The following MTR variants were observed in gnomAD, a reference collection of about 807,000 sequenced individuals.
MTR encodes the protein 5-methyltetrahydrofolate-homocysteine methyltransferase, also known as methionine synthase.
Under a neutral mutation model 154.8 loss-of-function variants are expected in MTR, and 84 were observed. That is an observed-to-expected ratio of 0.54 (90% CI 0.45 to 0.65). The LOEUF is 0.65. Ranked by LOEUF, MTR falls within the 30% of genes least tolerant of loss-of-function variation. MTR has a pLI of 0.00. For synonymous variants in MTR, 554 were observed against 553.9 expected, an observed-to-expected ratio of 1.00 and a Z score of 0.00; for missense variants, 1,275 against 1,570.2, an observed-to-expected ratio of 0.81 and a Z score of 3.18.
intron 26 of MTR, 115 bp from the exon 27 acceptor site, chr1:236,886,177 A>G (rs142006712): frequency 2.4e-6 from 2 of 827,788 alleles, no homozygotes; most frequent in Non-Finnish European, 4.0e-6. Flanking sequence ...CATTCTCATG[A>G]ATAAGAGCAT....
chr1:236,833,410 T>C (rs1014338073), intron 13 of MTR, among the ~76,000 whole-genome samples: 1 of 152,242 alleles, frequency 6.6e-6, no homozygotes, highest in Non-Finnish European at 1.5e-5. Flanking sequence ...TCATTACTCA[T>C]TTAATCATCA....
At chr1:236,883,162 C>T (rs1470271588) in intron 25 of MTR, among the ~76,000 whole-genome samples, 2 of 152,198 alleles carry the variant, frequency 1.3e-5, no homozygotes, top group African/African-American at 2.4e-5. Context: ...TTTACTCCCT[C>T]TTATTGTGTG....
chr1:236,889,417 A>G, intron 28 of MTR, 81 bp downstream of exon 28: 2 of 1,578,422 alleles, frequency 1.3e-6, no homozygotes, highest in Non-Finnish European at 1.7e-6. Flanking sequence ...ATCGGTGAGG[A>G]GCAGTGGATT....
chr1:236,808,244 C>G (rs889658754), intron 3 of MTR, among the ~76,000 whole-genome samples: 1 of 152,134 alleles, frequency 6.6e-6, no homozygotes, highest in Non-Finnish European at 1.5e-5. Flanking sequence ...GCAAAAAGTT[C>G]AGAATTACTG....
chr1:236,852,880 G>A, intron 17 of MTR, 68 bp from the exon 18 acceptor site: 1 of 1,579,962 alleles, frequency 6.3e-7, no homozygotes, highest in Non-Finnish European at 8.7e-7. Context: ...CCTTTACAGA[G>A]AAAAGTTTGC....
chr1:236,895,013 A>G (rs1666544032), intron 30 of MTR: 1 of 387,338 alleles, frequency 2.6e-6, no homozygotes, highest in Non-Finnish European at 4.8e-6. Context: ...TCCTGCAGTG[A>G]ACAGTGGAGG....
chr1:236,830,390 A>G (rs940118222), intron 12 of MTR, among the ~76,000 whole-genome samples: 1 of 152,202 alleles, frequency 6.6e-6, no homozygotes, highest in African/African-American at 2.4e-5. Context: ...CAAAATTGAA[A>G]CAAGAGAGCC....
chr1:236,853,638 C>T (rs906188052), intron 18 of MTR, among the ~76,000 whole-genome samples: 2 of 151,956 alleles, frequency 1.3e-5, no homozygotes, highest in African/African-American at 4.8e-5. Flanking sequence ...ATTTTTCTAC[C>T]TCATTATTTA....
chr1:236,817,837 G>A (rs1011292225), intron 8 of MTR, among the ~76,000 whole-genome samples: 5 of 152,150 alleles, frequency 3.3e-5, no homozygotes, highest in Non-Finnish European at 7.3e-5. Flanking sequence ...TGGGCCTGAC[G>A]ACTAAGAAAA....
At chr1:236,811,751 A>T (rs1011473357) in intron 5 of MTR, 55 of 454,362 alleles carry the variant, frequency 1.2e-4, no homozygotes, top group African/African-American at 1.1e-3. Flanking sequence ...CTGCATCTTT[A>T]AGCAAAATGA....
chr1:236,825,192 C>G, intron 9 of MTR, 146 bp from the exon 10 acceptor site: 1 of 235,926 alleles, frequency 4.2e-6, no homozygotes, highest in Non-Finnish European at 8.1e-6. Context: ...TCTTTGTTTA[C>G]TGTGTGAATA....
intron 16 of MTR, among the ~76,000 whole-genome samples, chr1:236,850,754 C>T (rs1214839636): frequency 6.6e-6 from 1 of 152,088 alleles, no homozygotes; most frequent in African/African-American, 2.4e-5. Flanking sequence ...TCGCTTGAAC[C>T]CAGGAGGGTG....
At chr1:236,877,792 A>AT (rs1364326886) in intron 24 of MTR, among the ~76,000 whole-genome samples, 8 of 152,150 alleles carry the variant, frequency 5.3e-5, no homozygotes, top group Non-Finnish European at 7.4e-5. Flanking sequence ...GATCATCTTC[A>AT]TTAGCTATTG....
At position 236,874,708 on chromosome 1, in the gene MTR, T is replaced by C. The variant is rs10925256; in HGVS notation, c.2474-18T>C. On this transcript the variant is annotated intron_variant, in intron 23 of 32. Transcript: ENST00000366577. ...ACTGTCCTTTTTGTCCTTTTTTTTT[T>C]AAAAAAAAAAAAAATAGATATAATT... The C allele has an allele frequency of 3.9e-4, 475 of 1,223,640 alleles. 1 individual carries two copies. The highest frequency in any genetic ancestry group is 4.8e-4 in the Non-Finnish European group (441 of 919,276). 75.8% of individuals were successfully genotyped at this position (1,223,640 alleles called of 1,614,324 possible).
At chr1:236,844,871 C>G (rs1663480755) in intron 15 of MTR, among the ~76,000 whole-genome samples, 1 of 152,274 alleles carries the variant, frequency 6.6e-6, no homozygotes, top group South Asian at 2.1e-4. Flanking sequence ...CAGACTCACT[C>G]TGACAGGGAA....
intron 24 of MTR, among the ~76,000 whole-genome samples, chr1:236,878,290 G>A (rs1665543086): frequency 6.6e-6 from 1 of 152,108 alleles, no homozygotes; most frequent in Non-Finnish European, 1.5e-5. Flanking sequence ...AAGCATTCAG[G>A]AGTTGAAGTG....
chr1:236,801,924 T>C (rs1304696602), intron 1 of MTR, among the ~76,000 whole-genome samples: 2 of 152,206 alleles, frequency 1.3e-5, no homozygotes, highest in East Asian at 3.8e-4. Context: ...GGTGGTGATC[T>C]CTTACCTTTG....
intron 31 of MTR, 111 bp from the exon 32 acceptor site, chr1:236,896,894 TG>T: frequency 2.5e-6 from 2 of 809,168 alleles, no homozygotes; most frequent in Non-Finnish European, 4.4e-6. Flanking sequence ...CTAGAAGGCA[TG>T]AGCTCGCTTT....
chr1:236,835,083 A>G (rs1229653916), intron 13 of MTR, among the ~76,000 whole-genome samples: 1 of 152,104 alleles, frequency 6.6e-6, no homozygotes, highest in Non-Finnish European at 1.5e-5. Flanking sequence ...GGTTTCTCTA[A>G]GGACTTTTTT....
Sources: allele counts gnomAD v4.1 joint callset (sites outside exome capture counted in the v4.1 genomes callset), GRCh38; gene constraint gnomAD v4.1.1; transcripts MANE v1.5; gene names NCBI Gene and HGNC (gene_info 2026-07-23, HGNC 2026-07-21).